The following ERG variants were observed in gnomAD, a reference collection of about 807,000 sequenced individuals.
ERG encodes transcriptional regulator ERG.
Under a neutral mutation model 55.3 loss-of-function variants are expected in ERG, and 9 were observed. The observed-to-expected ratio is 0.16, with a 90% CI of 0.10 to 0.28. The LOEUF (loss-of-function observed/expected upper bound fraction) is 0.28. Among genes scored for constraint, ERG ranks in the 10% least tolerant of loss-of-function variants. The pLI is 1.00. For synonymous variants in ERG, 223 were observed against 237.3 expected, an observed-to-expected ratio of 0.94 and a Z score of 0.55; for missense variants, 434 against 631.6, an observed-to-expected ratio of 0.69 and a Z score of 3.35.
chr21:38,373,631 A>C, the ERG span, among the ~76,000 whole-genome samples: 3 of 152,154 alleles, frequency 2.0e-5, no homozygotes, highest in African/African-American at 7.2e-5. Context: ...TACATGTTTT[A>C]AGATGTATAT....
chr21:38,473,107 A>T (rs141422791), intron 1 of ERG, among the ~76,000 whole-genome samples: 1 of 150,564 alleles, frequency 6.6e-6, no homozygotes, highest in Non-Finnish European at 1.5e-5. Context: ...TCATTTTCAC[A>T]GCATAAAACC....
At chr21:38,652,078 T>C (rs1361777754) in intron 1 of ERG, among the ~76,000 whole-genome samples, 2 of 152,184 alleles carry the variant, frequency 1.3e-5, no homozygotes, top group Non-Finnish European at 2.9e-5. Flanking sequence ...CCCTACCTCT[T>C]AACTTTACAC....
chr21:38,519,325 C>G (rs2059576448), intron 2 of ERG, among the ~76,000 whole-genome samples: 1 of 152,186 alleles, frequency 6.6e-6, no homozygotes, highest in Non-Finnish European at 1.5e-5. Context: ...GTCCCCCAGG[C>G]TAGCAAGAAC....
At chr21:38,444,119 C>G (rs146221857) in intron 2 of ERG, among the ~76,000 whole-genome samples, 17 of 152,184 alleles carry the variant, frequency 1.1e-4, no homozygotes, top group African/African-American at 3.9e-4. Flanking sequence ...TAGGAATTGA[C>G]GCAACCGTTT....
chr21:38,479,292 G>A (rs911702999), intron 1 of ERG, among the ~76,000 whole-genome samples: 1 of 152,152 alleles, frequency 6.6e-6, no homozygotes, highest in Non-Finnish European at 1.5e-5. Flanking sequence ...ATCAGTGAAT[G>A]GAGCCTGGCT....
intron 1 of ERG, among the ~76,000 whole-genome samples, chr21:38,493,415 G>A (rs2836440): frequency 0.16 from 24,581 of 152,122 alleles, 2,051 homozygotes; most frequent in East Asian, 0.19. Flanking sequence ...AGATACACAC[G>A]GTGGAGAGAC....
chr21:38,478,835 A>G (rs531164610), intron 1 of ERG, among the ~76,000 whole-genome samples: 2 of 152,316 alleles, frequency 1.3e-5, no homozygotes, highest in South Asian at 2.1e-4. Flanking sequence ...TTTCCTGAAG[A>G]CAGCCACATG....
intron 1 of ERG, among the ~76,000 whole-genome samples, chr21:38,634,678 TTTTTA>T (rs1389401033): frequency 6.6e-6 from 1 of 152,220 alleles, no homozygotes. Flanking sequence ...TATTCCATTG[TTTTTA>T]ACACAGACCT....
At chr21:38,627,855 T>C (rs1031528552) in intron 1 of ERG, among the ~76,000 whole-genome samples, 2 of 152,140 alleles carry the variant, frequency 1.3e-5, no homozygotes, top group African/African-American at 4.8e-5. Context: ...TATCTTTATA[T>C]AACCATGCAT....
chr21:38,559,691 T>G (rs1474067243), intron 2 of ERG, among the ~76,000 whole-genome samples: 1 of 152,174 alleles, frequency 6.6e-6, no homozygotes, highest in African/African-American at 2.4e-5. Flanking sequence ...TAATCATTTT[T>G]TTTTCTTGAG....
intron 2 of ERG, among the ~76,000 whole-genome samples, chr21:38,519,736 T>C (rs372516616): frequency 2.0e-5 from 3 of 152,074 alleles, no homozygotes; most frequent in Non-Finnish European, 4.4e-5. Flanking sequence ...ACATGTACAA[T>C]AGAGATGTGT....
chr21:38,624,299 G>A (rs773299193), intron 1 of ERG, among the ~76,000 whole-genome samples: 1 of 152,070 alleles, frequency 6.6e-6, no homozygotes, highest in East Asian at 1.9e-4. Context: ...GGGGGTGGGT[G>A]GGGGACAAGG....
At chr21:38,573,299 C>A (rs1274250656) in intron 2 of ERG, among the ~76,000 whole-genome samples, 1 of 152,200 alleles carries the variant, frequency 6.6e-6, no homozygotes, top group Non-Finnish European at 1.5e-5. Flanking sequence ...AGCCCGACAC[C>A]CGTAAAGGGT....
chr21:38,484,602 C>A (rs530725157), intron 1 of ERG, among the ~76,000 whole-genome samples: 209 of 152,306 alleles, frequency 1.4e-3, no homozygotes, highest in African/African-American at 4.6e-3. Context: ...GTTGAGCCAC[C>A]AAATGGAATA....
intron 2 of ERG, among the ~76,000 whole-genome samples, chr21:38,515,131 A>AAAGGTAG (rs1410585383): frequency 6.6e-6 from 1 of 151,982 alleles, no homozygotes; most frequent in African/African-American, 2.4e-5. Context: ...CTTAATAATC[A>AAAGGTAG]AAGGTAGAAT....
chr21:38,585,394 C>G (rs1270888421), upstream of ERG, among the ~76,000 whole-genome samples: 1 of 152,016 alleles, frequency 6.6e-6, no homozygotes, highest in Non-Finnish European at 1.5e-5. Flanking sequence ...AGAAACAACC[C>G]TTTTACTTTG....
intron 1 of ERG, among the ~76,000 whole-genome samples, chr21:38,593,546 A>G (rs2060113913): frequency 6.6e-6 from 1 of 152,214 alleles, no homozygotes; most frequent in Non-Finnish European, 1.5e-5. Context: ...TTGTCTCGAT[A>G]TAATTACAAG....
chr21:38,570,713 G>A (rs1052383098), intron 2 of ERG, among the ~76,000 whole-genome samples: 1 of 152,184 alleles, frequency 6.6e-6, no homozygotes, highest in Non-Finnish European at 1.5e-5. Flanking sequence ...CATCAGAGCA[G>A]GATTTGAATT....
chr21:38,369,668 G>A, the ERG span, among the ~76,000 whole-genome samples: 3 of 152,042 alleles, frequency 2.0e-5, no homozygotes, highest in African/African-American at 7.2e-5. Context: ...GTTGCTTTTG[G>A]CATCTTCATC....
Sources: gnomAD v4.1 joint callset for allele counts (sites outside exome capture counted in the v4.1 genomes callset) on GRCh38, gnomAD v4.1.1 for gene constraint, MANE v1.5 for transcripts, NCBI Gene and HGNC (gene_info 2026-07-23, HGNC 2026-07-21) for gene names.